SGCZ: variants seen among roughly 807,000 people sequenced by gnomAD.
The protein encoded by SGCZ is zeta-sarcoglycan.
SGCZ carries 40 observed loss-of-function variants against 41.3 expected under a neutral mutation model. The ratio of observed to expected loss-of-function variants is 0.97; its 90% CI spans 0.75 to 1.26. SGCZ has a LOEUF of 1.26. Among genes scored for constraint, SGCZ ranks in the 50% most tolerant of loss-of-function variants. The pLI is 0.00. For missense variants in SGCZ, 552 were observed against 369.8 expected, an observed-to-expected ratio of 1.49 and a Z score of -4.04; for synonymous variants, 206 against 137.5, an observed-to-expected ratio of 1.50 and a Z score of -3.49.
At chr8:14,212,340 A>G (rs539925502) in intron 4 of SGCZ, among the ~76,000 whole-genome samples, 3 of 152,178 alleles carry the variant, frequency 2.0e-5, no homozygotes, top group African/African-American at 7.2e-5. Flanking sequence ...CGCCTTACCC[A>G]TAGATACTGG....
chr8:15,011,679 A>T (rs1222447088), intron 1 of SGCZ, among the ~76,000 whole-genome samples: 1 of 152,280 alleles, frequency 6.6e-6, no homozygotes, highest in South Asian at 2.1e-4. Flanking sequence ...TCTCCCCACA[A>T]AAGGTATCAT....
chr8:14,161,664 T>C (rs1804049491), intron 5 of SGCZ, among the ~76,000 whole-genome samples: 1 of 152,230 alleles, frequency 6.6e-6, no homozygotes, highest in Non-Finnish European at 1.5e-5. Flanking sequence ...TGTAATTTTA[T>C]TATTTTATTA....
At chr8:14,301,940 T>G (rs1801204595) in intron 3 of SGCZ, among the ~76,000 whole-genome samples, 1 of 152,200 alleles carries the variant, frequency 6.6e-6, no homozygotes, top group African/African-American at 2.4e-5. Flanking sequence ...AATCGTGTTT[T>G]CCAAGGCTGC....
intron 2 of SGCZ, among the ~76,000 whole-genome samples, chr8:14,470,653 A>T (rs1031256354): frequency 3.9e-5 from 6 of 152,312 alleles, no homozygotes; most frequent in Admixed American, 2.6e-4. Flanking sequence ...AAGACTAACT[A>T]TATGACGGTT....
chr8:15,087,469 G>A (rs916993936), intron 1 of SGCZ, among the ~76,000 whole-genome samples: 1 of 152,018 alleles, frequency 6.6e-6, no homozygotes, highest in African/African-American at 2.4e-5. Flanking sequence ...TCCCCACGTT[G>A]GTTTTGGCAC....
intron 1 of SGCZ, among the ~76,000 whole-genome samples, chr8:14,758,365 C>T (rs1799753496): frequency 6.6e-6 from 1 of 152,134 alleles, no homozygotes; most frequent in Non-Finnish European, 1.5e-5. Context: ...GTCATTAATA[C>T]TGATTTTTTT....
At chr8:15,065,361 G>C (rs1246047023) in intron 1 of SGCZ, among the ~76,000 whole-genome samples, 1 of 151,530 alleles carries the variant, frequency 6.6e-6, no homozygotes, top group Non-Finnish European at 1.5e-5. Flanking sequence ...GCCTAGTTAG[G>C]ACCCTATGCT....
intron 1 of SGCZ, among the ~76,000 whole-genome samples, chr8:15,110,326 T>C (rs889005147): frequency 6.6e-6 from 1 of 152,196 alleles, no homozygotes; most frequent in East Asian, 1.9e-4. Context: ...TACATTCGGC[T>C]CTAGAGACTT....
chr8:14,736,624 C>T (rs1563235250), intron 1 of SGCZ, among the ~76,000 whole-genome samples: 1 of 151,944 alleles, frequency 6.6e-6, no homozygotes, highest in South Asian at 2.1e-4. Flanking sequence ...ATTCCTCACC[C>T]CCCTCCCACT....
intron 5 of SGCZ, among the ~76,000 whole-genome samples, chr8:14,136,766 A>G (rs1453238435): frequency 6.6e-6 from 1 of 152,170 alleles, no homozygotes; most frequent in African/African-American, 2.4e-5. Context: ...GCAGACTTAA[A>G]TGTCCCTGTC....
chr8:14,570,049 T>C (rs1804504662), intron 1 of SGCZ, among the ~76,000 whole-genome samples: 1 of 152,104 alleles, frequency 6.6e-6, no homozygotes, highest in African/African-American at 2.4e-5. Context: ...TTTGTTTCTT[T>C]TTGGAAGTAT....
intron 1 of SGCZ, among the ~76,000 whole-genome samples, chr8:14,701,079 C>T (rs534488618): frequency 1.2e-4 from 18 of 151,776 alleles, no homozygotes; most frequent in Non-Finnish European, 2.1e-4. Flanking sequence ...TGGAGTGTTG[C>T]GGAAGGATAA....
intron 1 of SGCZ, among the ~76,000 whole-genome samples, chr8:14,726,286 G>C (rs1343144502): frequency 1.5e-5 from 2 of 136,744 alleles, no homozygotes. Flanking sequence ...AATCATACGC[G>C]TGTGTGTGTG....
chr8:14,155,373 T>G (rs941463714), intron 5 of SGCZ, among the ~76,000 whole-genome samples: 2 of 152,172 alleles, frequency 1.3e-5, no homozygotes, highest in African/African-American at 4.8e-5. Flanking sequence ...GGTAGTTACT[T>G]TCACTAGTTG....
chr8:15,131,628 T>C (rs1807904447), intron 1 of SGCZ, among the ~76,000 whole-genome samples: 1 of 152,206 alleles, frequency 6.6e-6, no homozygotes, highest in Non-Finnish European at 1.5e-5. Flanking sequence ...GACATCCCGA[T>C]TTCTGTGAGT....
chr8:14,799,242 C>G (rs551781721), intron 1 of SGCZ, among the ~76,000 whole-genome samples: 1 of 152,086 alleles, frequency 6.6e-6, no homozygotes, highest in Non-Finnish European at 1.5e-5. Context: ...TATTTGAGGA[C>G]TTAACGAGAT....
At chr8:14,191,668 G>C (rs1453337985) in intron 4 of SGCZ, among the ~76,000 whole-genome samples, 1 of 152,128 alleles carries the variant, frequency 6.6e-6, no homozygotes, top group East Asian at 1.9e-4. Flanking sequence ...TGTGCATCTA[G>C]AACTTGAGAT....
intron 1 of SGCZ, among the ~76,000 whole-genome samples, chr8:14,877,150 T>A (rs189399881): frequency 7.5e-4 from 114 of 152,130 alleles, no homozygotes; most frequent in African/African-American, 2.7e-3. Flanking sequence ...ACTTTTGATA[T>A]TTTAGTAGAG....
At chr8:14,114,443 C>T (rs566608729) in intron 5 of SGCZ, among the ~76,000 whole-genome samples, 2 of 151,974 alleles carry the variant, frequency 1.3e-5, no homozygotes, top group East Asian at 1.9e-4. Context: ...CAAAAAAGAA[C>T]ACCATATTGT....
Sources: gnomAD v4.1 joint callset for allele counts (sites outside exome capture counted in the v4.1 genomes callset) on GRCh38, gnomAD v4.1.1 for gene constraint, MANE v1.5 for transcripts, NCBI Gene and HGNC (gene_info 2026-07-23, HGNC 2026-07-21) for gene names.